The following ADGRG3 variants were observed in gnomAD, a reference collection of about 807,000 sequenced individuals.
ADGRG3 encodes G protein-coupled receptor 97.
Under a neutral mutation model 54.3 loss-of-function variants are expected in ADGRG3, and 39 were observed. That is an observed-to-expected ratio of 0.72 (90% CI 0.56 to 0.94). The LOEUF (loss-of-function observed/expected upper bound fraction) is 0.94. Ranked by LOEUF, ADGRG3 falls within the 40% of genes least tolerant of loss-of-function variation. The probability of loss-of-function intolerance (pLI) is 0.00; values close to 1 mark genes in which losing one functional copy is unlikely to be tolerated. For missense variants in ADGRG3, 654 were observed against 694.6 expected (o/e 0.94, Z 0.66); for synonymous variants, 312 against 290.0 (o/e 1.08, Z -0.77).
chr16:57,683,586 C>T (rs921723743), intron 8 of ADGRG3, among the ~76,000 whole-genome samples: 4 of 152,222 alleles, frequency 2.6e-5, no homozygotes, highest in Admixed American at 6.5e-5. Flanking sequence ...CTTCTATTCT[C>T]TGCTTTTACT....
At chr16:57,674,239 C>T (rs8047307) in intron 2 of ADGRG3, among the ~76,000 whole-genome samples, 50,136 of 151,626 alleles carry the variant, frequency 0.33, 8,373 homozygotes, top group Middle Eastern at 0.43. Context: ...ATTGGCATTG[C>T]GTGCTTGGAA....
At position 57,685,674 on chromosome 16, in the gene ADGRG3, G is replaced by T; in HGVS notation, c.1288G>T (p.Ala430Ser). 6.2e-7 allele frequency: 1 copy of T among 1,614,156 alleles called. No homozygotes were observed. The highest frequency in any genetic ancestry group is 8.5e-7 in the Non-Finnish European group (1 of 1,180,018). Residue 430 changes from alanine (A) to serine (S), a missense_variant, in exon 11 of 12, where the codon GCC becomes TCC. Coordinates refer to ENST00000333493, the MANE Select transcript of ADGRG3 (RefSeq NM_170776.5). Reference sequence around the variant, plus strand: ...GTTCCGTGAAGGGACAACCATGTACGCCCTCTATATCACCGTCCACGGCTA... The same window carrying T: ...GTTCCGTGAAGGGACAACCATGTACTCCCTCTATATCACCGTCCACGGCTA... ...CWFREGTTMYALYITVHGYFL... is the reference protein window; with the variant it reads ...CWFREGTTMYSLYITVHGYFL...
At chr16:57,669,397 G>T (rs1364121701) in intron 1 of ADGRG3, among the ~76,000 whole-genome samples, 4 of 152,200 alleles carry the variant, frequency 2.6e-5, no homozygotes, top group African/African-American at 9.6e-5. Context: ...TAGTGGCCCC[G>T]GGAGGCCCTG....
At chr16:57,672,882 G>A (rs1597755960) in intron 1 of ADGRG3, among the ~76,000 whole-genome samples, 1 of 152,158 alleles carries the variant, frequency 6.6e-6, no homozygotes, top group East Asian at 1.9e-4. Context: ...ACACAAATAA[G>A]ATAGTGTGAA....
intron 2 of ADGRG3, among the ~76,000 whole-genome samples, chr16:57,675,805 TG>T (rs1210754593): frequency 6.6e-6 from 1 of 151,776 alleles, no homozygotes; most frequent in African/African-American, 2.4e-5. Context: ...TTGCAGGGGC[TG>T]GGGGAAGGGG....
Position 57,673,359 on chromosome 16 carries a change from C to T in ADGRG3, c.97C>T (p.Leu33=), listed in dbSNP as rs749972916. 2 of 1,613,824 alleles carry T rather than the reference C, an allele frequency of 1.2e-6. No individual in the cohort carries two copies. Among genetic ancestry groups the T allele is most frequent in the Non-Finnish European group, 1.7e-6 (2 of 1,179,812 alleles). The change falls in exon 2 of 12, where the codon CTG becomes TTG. Residue 33 remains leucine, a synonymous_variant. Coordinates refer to ENST00000333493, the MANE Select transcript of ADGRG3 (RefSeq NM_170776.5). ...CACCGAAGGGCCAAGAAACACCTGC[C>T]TGGGGAGCAACAACATGTACGACAT... The part of the protein sequence containing the change: ...KPTEGPRNTC[L]GSNNMYDIFN...
intron 11 of ADGRG3, among the ~76,000 whole-genome samples, chr16:57,687,290 A>T (rs1410291084): frequency 1.3e-5 from 2 of 150,580 alleles, no homozygotes; most frequent in African/African-American, 4.9e-5. Context: ...TTGCTCTGTC[A>T]CCCAGGCTGG....
Position 57,678,157 on chromosome 16 carries a change from T to C in ADGRG3, c.346-13T>C. 6.2e-7 allele frequency: 1 copy of C among 1,613,608 alleles called. No homozygotes were observed. Among genetic ancestry groups the C allele is most frequent in the Non-Finnish European group, 8.5e-7 (1 of 1,179,804 alleles). ...GTGGGTACAGATGGGAGCTGCTGTG[T>C]CTGTGGTTGTAGGTTCCGAGGCAGG... On this transcript the variant is annotated splice_polypyrimidine_tract_variant and intron_variant, in intron 3 of 11. Coordinates refer to ENST00000333493, the MANE Select transcript of ADGRG3 (RefSeq NM_170776.5).
chr16:57,668,372 G>A lies in ADGRG3; in HGVS notation c.25G>A (p.Ala9Thr), dbSNP rs974116283. 7 of 1,575,874 alleles carry A rather than the reference G, an allele frequency of 4.4e-6. No homozygotes were observed. The highest frequency in any genetic ancestry group is 5.1e-6 in the Non-Finnish European group (6 of 1,168,052). The change falls in exon 1 of 12, where the codon GCC (alanine) becomes ACC (threonine). Residue 9 changes from alanine to threonine, a missense_variant. Coordinates refer to ENST00000333493, the MANE Select transcript of ADGRG3 (RefSeq NM_170776.5). ...GATGGCGACGCCCAGGGGCCTGGGG[G>A]CCCTGCTCCTGCTCCTCCTGCTCCC... MATPRGLG[A>T]LLLLLLLPTS...
upstream of ADGRG3, among the ~76,000 whole-genome samples, chr16:57,665,807 C>A (rs2048041328): frequency 1.3e-5 from 2 of 152,200 alleles, no homozygotes; most frequent in Non-Finnish European, 2.9e-5. Flanking sequence ...GGATGCCCAG[C>A]AGGGGAAGAG....
intron 5 of ADGRG3, 46 bp downstream of exon 5, chr16:57,679,357 C>A: frequency 1.2e-6 from 2 of 1,605,052 alleles, no homozygotes; most frequent in Non-Finnish European, 8.5e-7. Flanking sequence ...GGCAGACAGG[C>A]GAGTGGGCAC....
In ADGRG3 at chr16:57,678,164, T is replaced by C. The variant is rs758936556; in HGVS notation, c.346-6T>C. ...CAGATGGGAGCTGCTGTGTCTGTGG[T>C]TGTAGGTTCCGAGGCAGGTGATGAA... On this transcript the variant is annotated splice_region_variant and splice_polypyrimidine_tract_variant and intron_variant, in intron 3 of 11. Transcript: ENST00000333493. 1.9e-6 allele frequency: 3 copies of C among 1,613,720 alleles called. No homozygotes were observed. The South Asian group carries it at 3.3e-5, about 18-fold the overall frequency.
chr16:57,681,885 G>A (rs2048378854), intron 8 of ADGRG3, among the ~76,000 whole-genome samples: 1 of 152,290 alleles, frequency 6.6e-6, no homozygotes, highest in East Asian at 1.9e-4. Flanking sequence ...CTGGCCCTGT[G>A]TGAGCATGTG....
intron 10 of ADGRG3, among the ~76,000 whole-genome samples, chr16:57,684,700 A>G (rs560445385): frequency 6.6e-6 from 1 of 152,314 alleles, no homozygotes; most frequent in South Asian, 2.1e-4. Context: ...GGCCTGAGAA[A>G]GGAGAGGGAG....
chr16:57,676,855 AAAAC>A (rs1444379292), intron 3 of ADGRG3, among the ~76,000 whole-genome samples: 17 of 152,206 alleles, frequency 1.1e-4, no homozygotes, highest in African/African-American at 4.1e-4. Flanking sequence ...AACAAAACAC[AAAAC>A]AAACAAAAGA....
intron 8 of ADGRG3, among the ~76,000 whole-genome samples, chr16:57,682,960 G>A (rs2006654): frequency 0.15 from 23,121 of 152,240 alleles, 1,952 homozygotes; most frequent in Admixed American, 0.25. Flanking sequence ...GGAAAGACCC[G>A]AGGAGAGAGA....
chr16:57,675,595 C>A lies in ADGRG3; in HGVS notation c.207-605C>A, dbSNP rs189507123. ...GCAGTGAGCTGAGATTGTGCCACTG[C>A]ACTCCAGCCTGGGTGACACAGTGAG... On this transcript the variant is annotated intron_variant, in intron 2 of 11. Transcript: ENST00000333493. Among the ~76,000 whole-genome samples, 499 of 152,240 alleles carry A rather than the reference C, an allele frequency of 3.3e-3. 5 individuals carry two copies. The highest frequency in any genetic ancestry group is 0.011 in the African/African-American group (465 of 41,528).
rs2048293946 is a variant in ADGRG3 at position 57,678,022 on chromosome 16, G to A, written c.346-148G>A. 6.8e-6 allele frequency: 6 copies of A among 883,748 alleles called. No homozygotes were observed. The Admixed American group carries it at 1.2e-4, about 17-fold the overall frequency. The allele number at this position is 883,748 out of a possible 1,614,324, so 54.7% of individuals were successfully genotyped here. On this transcript the variant is annotated intron_variant, in intron 3 of 11. Coordinates refer to ENST00000333493, the MANE Select transcript of ADGRG3 (RefSeq NM_170776.5). Reference sequence around the variant, plus strand: ...GCCTGTGAGGAGCAGAGCTTGCACTGTGCCCCAGGTGTCCTGCCTCTCAGA... The same window carrying A: ...GCCTGTGAGGAGCAGAGCTTGCACTATGCCCCAGGTGTCCTGCCTCTCAGA...
intron 1 of ADGRG3, among the ~76,000 whole-genome samples, 156 bp from the exon 2 acceptor site, chr16:57,673,165 G>T (rs1450852612): frequency 6.6e-6 from 1 of 152,164 alleles, no homozygotes; most frequent in Non-Finnish European, 1.5e-5. Flanking sequence ...CCCAGAGAGG[G>T]TCTGCATCCT....
Sources: gnomAD v4.1 joint callset for allele counts (sites outside exome capture counted in the v4.1 genomes callset) on GRCh38, gnomAD v4.1.1 for gene constraint, MANE v1.5 for transcripts, NCBI Gene and HGNC (gene_info 2026-07-23, HGNC 2026-07-21) for gene names.